Variants in TMEM154 observed in about 807,000 individuals in gnomAD.
The protein encoded by TMEM154 is transmembrane protein 154.
In TMEM154, 27 loss-of-function variants were observed where a neutral mutation model predicts 24.5. The observed-to-expected ratio is 1.10, with a 90% CI of 0.81 to 1.52. TMEM154 has a LOEUF of 1.52. Ranked by LOEUF, TMEM154 falls within the 40% of genes most tolerant of loss-of-function variation. The probability of loss-of-function intolerance (pLI) is 0.00; values close to 1 mark genes in which losing one functional copy is unlikely to be tolerated. For synonymous variants in TMEM154, 67 were observed against 76.8 expected (o/e 0.87, Z 0.67); for missense variants, 228 against 213.4 (o/e 1.07, Z -0.43).
rs1158625412 is a variant in TMEM154, at chr4:152,622,164, T to C, written c.*6382A>G. On this transcript the variant is annotated 3_prime_UTR_variant, in exon 7 of 7. Transcript: ENST00000304385. The stretch of plus-strand genomic sequence containing the variant: ...TTATATTCTCATAAACAATTAAAAT[T>C]TCATTCCTTCATTTAAAAATGTTTT... 1.3e-5 allele frequency: 2 copies of C among 152,236 alleles called. No homozygotes were observed. Among genetic ancestry groups the C allele is most frequent in the Non-Finnish European group, 2.9e-5 (2 of 68,044 alleles). The allele number at this position is 152,236 out of a possible 1,614,324, so 9.4% of individuals were successfully genotyped here. A position where few individuals can be genotyped will look rare whatever the true frequency, so the allele number is the denominator to read the frequency against.
intron 1 of TMEM154, chr4:152,669,408 G>A (rs1438625927): frequency 6.6e-6 from 1 of 152,066 alleles, no homozygotes; most frequent in African/African-American, 2.4e-5. Flanking sequence ...TTAAATTTGA[G>A]TATCAGATAA....
chr4:152,658,081 A>G (rs1393342606), intron 1 of TMEM154, among the ~76,000 whole-genome samples: 1 of 152,216 alleles, frequency 6.6e-6, no homozygotes, highest in Non-Finnish European at 1.5e-5. Context: ...AATCATATCA[A>G]ATATCTTCTC....
rs971951707 is a variant in TMEM154, at chr4:152,644,570, G to A, written c.365-128C>T. The A allele has an allele frequency of 2.0e-5, 18 of 889,010 alleles. No individual in the cohort carries two copies. The African/African-American group carries it at 2.2e-4, about 11-fold the overall frequency. The allele number at this position is 889,010 out of a possible 1,614,324, so 55.1% of individuals were successfully genotyped here. A position where few individuals can be genotyped will look rare whatever the true frequency, so the allele number is the denominator to read the frequency against. On this transcript the variant is annotated intron_variant, in intron 3 of 6. Coordinates refer to ENST00000304385, the MANE Select transcript of TMEM154 (RefSeq NM_152680.3). ...CATTAAGTAACATTTTTAAAGGAGCGATCATTAACTTAGAGTCAAAGAAGT... is the reference window on the plus strand; with the variant it reads ...CATTAAGTAACATTTTTAAAGGAGCAATCATTAACTTAGAGTCAAAGAAGT...
intron 1 of TMEM154, among the ~76,000 whole-genome samples, chr4:152,672,984 G>A (rs1363871437): frequency 6.6e-6 from 1 of 152,172 alleles, no homozygotes. Flanking sequence ...GAAGCTGGCT[G>A]GGTTTGGCCC....
rs143525464 is a variant in TMEM154, at chr4:152,645,453, T to C, written c.365-1011A>G. 4.0e-4 allele frequency among the ~76,000 whole-genome samples: 61 copies of C among 152,302 alleles called. No individual in the cohort carries two copies. The Middle Eastern group carries it at 0.01, about 25-fold the overall frequency. On this transcript the variant is annotated intron_variant, in intron 3 of 6. Coordinates refer to ENST00000304385, the MANE Select transcript of TMEM154 (RefSeq NM_152680.3). ...ACTCCAAATGAACAAGTGGTGAGAATTGGAGCCTGATGTCCCAGCTGAAGC... is the reference window on the plus strand; with the variant it reads ...ACTCCAAATGAACAAGTGGTGAGAACTGGAGCCTGATGTCCCAGCTGAAGC...
At chr4:152,640,340 CA>C (rs1303104769) in intron 6 of TMEM154, among the ~76,000 whole-genome samples, 2 of 152,128 alleles carry the variant, frequency 1.3e-5, no homozygotes, top group African/African-American at 4.8e-5. Context: ...CATGTCCTGA[CA>C]AAACAGTTCT....
chr4:152,675,156 C>T (rs77403596), intron 1 of TMEM154, among the ~76,000 whole-genome samples: 1 of 83,174 alleles, frequency 1.2e-5, no homozygotes, highest in Admixed American at 1.7e-4. Flanking sequence ...GGCTCCATCT[C>T]AAAAAAAAAA....
intron 3 of TMEM154, among the ~76,000 whole-genome samples, chr4:152,647,725 A>G (rs977973382): frequency 1.3e-5 from 2 of 152,210 alleles, no homozygotes; most frequent in Non-Finnish European, 2.9e-5. Context: ...CTAGGCGTTG[A>G]GTTAGGTAAA....
chr4:152,647,404 T>C (rs1309785040), intron 3 of TMEM154: 1 of 885,616 alleles, frequency 1.1e-6, no homozygotes, highest in African/African-American at 1.8e-5. Context: ...TCTGAAAAGT[T>C]GTCCATCTGT....
At chr4:152,653,296 CA>C (rs1298601798) in intron 1 of TMEM154, among the ~76,000 whole-genome samples, 3 of 151,892 alleles carry the variant, frequency 2.0e-5, no homozygotes, top group Non-Finnish European at 4.4e-5. Flanking sequence ...AATATTTTAA[CA>C]AAATGTCTGA....
intron 6 of TMEM154, among the ~76,000 whole-genome samples, chr4:152,634,101 G>A (rs1752103818): frequency 6.7e-6 from 1 of 148,890 alleles, no homozygotes. Flanking sequence ...GTAACAGGCT[G>A]ACAAATAAAA....
At chr4:152,664,256 C>T (rs1728671845) in intron 1 of TMEM154, among the ~76,000 whole-genome samples, 1 of 152,068 alleles carries the variant, frequency 6.6e-6, no homozygotes, top group Non-Finnish European at 1.5e-5. Flanking sequence ...CCATCATTCG[C>T]AGCAAACTAA....
In TMEM154 at chr4:152,620,963, A is replaced by T. The variant is rs1561039949; in HGVS notation, c.*7583T>A. The T allele has an allele frequency of 6.6e-6, 1 of 152,212 alleles. No individual in the cohort carries two copies. The highest frequency in any genetic ancestry group is 2.4e-5 in the African/African-American group (1 of 41,452). The allele number at this position is 152,212 out of a possible 1,614,324, so 9.4% of individuals were successfully genotyped here. A position where few individuals can be genotyped will look rare whatever the true frequency, so the allele number is the denominator to read the frequency against. On this transcript the variant is annotated 3_prime_UTR_variant, in exon 7 of 7. Transcript: ENST00000304385. ...TACTAGGATTAAAATGAGATGATGT[A>T]TGTTTAGTGTTTAGCACCTTCTGGC... is the stretch of plus-strand genomic sequence containing the variant.
chr4:152,650,796 A>G (rs1330421737), intron 3 of TMEM154, among the ~76,000 whole-genome samples: 1 of 152,234 alleles, frequency 6.6e-6, no homozygotes, highest in African/African-American at 2.4e-5. Flanking sequence ...CAGAATGGAT[A>G]TTGTATCAGC....
At chr4:152,631,793 CTTTTTTTTTTTTT>C (rs34455123) in intron 6 of TMEM154, among the ~76,000 whole-genome samples, 7 of 61,356 alleles carry the variant, frequency 1.1e-4, no homozygotes, top group Non-Finnish European at 1.9e-4. Context: ...ATCTATCCCC[CTTTTTTTTTTTTT>C]TTTTTTTTTT....
intron 3 of TMEM154, chr4:152,646,707 A>T (rs1168450103): frequency 2.2e-6 from 1 of 449,134 alleles, no homozygotes; most frequent in Admixed American, 4.0e-5. Flanking sequence ...ACTTAGCCTG[A>T]CAGTACTCTC....
intron 1 of TMEM154, among the ~76,000 whole-genome samples, chr4:152,678,111 T>C (rs1337791705): frequency 2.0e-5 from 3 of 152,202 alleles, no homozygotes; most frequent in Admixed American, 2.0e-4. Context: ...GTATTCATTA[T>C]AGGCAAGAGC....
Position 152,625,082 on chromosome 4 carries a change from T to A in TMEM154, c.*3464A>T, listed in dbSNP as rs1363387663. 6.7e-6 allele frequency: 1 copy of A among 148,398 alleles called. No homozygotes were observed. Among genetic ancestry groups the A allele is most frequent in the African/African-American group, 2.4e-5 (1 of 41,188 alleles). 9.2% of individuals were successfully genotyped at this position (148,398 alleles called of 1,614,324 possible). ...AAACTAAAGCCTATGTTTTCTTTAG[T>A]CAACATAAGGCCTTTTTTCAGAGAT... is the stretch of plus-strand genomic sequence containing the variant. On this transcript the variant is annotated 3_prime_UTR_variant, in exon 7 of 7. Transcript: ENST00000304385.
At chr4:152,649,927 C>G (rs1260277562) in intron 3 of TMEM154, among the ~76,000 whole-genome samples, 2 of 152,186 alleles carry the variant, frequency 1.3e-5, no homozygotes, top group African/African-American at 2.4e-5. Context: ...TACAATGTAA[C>G]CTATTAAGTG....
Sources: allele counts gnomAD v4.1 joint callset (sites outside exome capture counted in the v4.1 genomes callset), GRCh38; gene constraint gnomAD v4.1.1; transcripts MANE v1.5; gene names NCBI Gene and HGNC (gene_info 2026-07-23, HGNC 2026-07-21).